FAM193A: variants seen among roughly 807,000 people sequenced by gnomAD.
FAM193A encodes protein FAM193A.
FAM193A carries 22 observed loss-of-function variants against 126.5 expected under a neutral mutation model. The ratio of observed to expected loss-of-function variants is 0.17; its 90% CI spans 0.12 to 0.25. The LOEUF is 0.25. Among genes scored for constraint, FAM193A ranks in the 10% least tolerant of loss-of-function variants. The pLI is 1.00. For missense variants in FAM193A, 1,675 were observed against 1,672.8 expected, an observed-to-expected ratio of 1.00 and a Z score of -0.02; for synonymous variants, 761 against 646.8, an observed-to-expected ratio of 1.18 and a Z score of -2.68.
At chr4:2,693,490 A>G (rs1716645397) in intron 15 of FAM193A, 96 bp from the exon 16 acceptor site, 1 of 1,166,968 alleles carries the variant, frequency 8.6e-7, no homozygotes, top group South Asian at 1.4e-5. Flanking sequence ...AAGGTGAAGG[A>G]TGAATGGGTA....
chr4:2,625,937 TG>T (rs1742921410), intron 3 of FAM193A, among the ~76,000 whole-genome samples: 2 of 152,112 alleles, frequency 1.3e-5, no homozygotes, highest in African/African-American at 4.8e-5. Context: ...TTGCCCAGGC[TG>T]GTCTCAAACT....
chr4:2,693,848 C>G lies in FAM193A; in HGVS notation c.3066C>G (p.Ser1022=), dbSNP rs565030304. 86 of 1,614,124 alleles carry G rather than the reference C, an allele frequency of 5.3e-5. No individual in the cohort carries two copies. In the South Asian group the frequency reaches 9.2e-4, roughly 17 times the overall value. Residue 1022 remains serine, a synonymous_variant, in exon 16 of 21, where the codon TCC becomes TCG. Transcript: ENST00000637812. ...CCCTACCCCCGGCCACAGATGGCTC[C>G]ATTAGCGCCCCTCCAAGTGTCTGCA... The part of the protein sequence containing the change: ...PAPLPPATDG[S]ISAPPSVCSD...
intron 2 of FAM193A, among the ~76,000 whole-genome samples, chr4:2,617,240 T>TTTTATATATA (rs377206444): frequency 0.017 from 600 of 34,588 alleles, 40 homozygotes; most frequent in East Asian, 0.033. Flanking sequence ...TATGTTTTTA[T>TTTTATATATA]TATATATATA....
chr4:2,686,052 A>C (rs1715705341), intron 13 of FAM193A, among the ~76,000 whole-genome samples: 1 of 152,230 alleles, frequency 6.6e-6, no homozygotes, highest in Non-Finnish European at 1.5e-5. Context: ...TGGTGGACTT[A>C]TAAAGTCATG....
chr4:2,643,864 C>G (rs1246754053), intron 6 of FAM193A, among the ~76,000 whole-genome samples: 2 of 152,192 alleles, frequency 1.3e-5, no homozygotes, highest in Non-Finnish European at 2.9e-5. Flanking sequence ...GGGTGCATCC[C>G]TCAGGCCTGC....
intron 18 of FAM193A, 112 bp from the exon 19 acceptor site, chr4:2,699,568 C>A: frequency 9.7e-7 from 1 of 1,030,330 alleles, no homozygotes; most frequent in Non-Finnish European, 1.4e-6. Flanking sequence ...ACAGCCTCTT[C>A]AGAGTTTATG....
chr4:2,710,400 C>T (rs1368674468), intron 19 of FAM193A, among the ~76,000 whole-genome samples: 2 of 151,996 alleles, frequency 1.3e-5, no homozygotes, highest in Admixed American at 6.6e-5. Flanking sequence ...GTCTCCATCT[C>T]CTGACCTCAT....
intron 1 of FAM193A, among the ~76,000 whole-genome samples, chr4:2,545,784 C>A (rs1737508215): frequency 1.3e-5 from 2 of 152,134 alleles, no homozygotes; most frequent in Non-Finnish European, 2.9e-5. Flanking sequence ...CCTGCTCAAG[C>A]AGTGCTCCCA....
At chr4:2,626,660 G>T in intron 4 of FAM193A, 83 bp downstream of exon 4, 2 of 643,154 alleles carry the variant, frequency 3.1e-6, no homozygotes, top group South Asian at 3.4e-5. Context: ...TTCAGGATGG[G>T]CTTTCCTTAC....
intron 1 of FAM193A, among the ~76,000 whole-genome samples, chr4:2,549,296 A>AT (rs1737758008): frequency 6.7e-6 from 1 of 149,388 alleles, no homozygotes; most frequent in African/African-American, 2.5e-5. Flanking sequence ...CAGTTTATCA[A>AT]TTTTTTTCTG....
At chr4:2,611,635 T>C (rs181034236) in intron 2 of FAM193A, among the ~76,000 whole-genome samples, 1 of 152,166 alleles carries the variant, frequency 6.6e-6, no homozygotes, top group Non-Finnish European at 1.5e-5. Context: ...TCCATTTGTA[T>C]CTCTTTGGAA....
At chr4:2,570,552 C>T (rs707341) in intron 1 of FAM193A, among the ~76,000 whole-genome samples, 4,639 of 152,194 alleles carry the variant, frequency 0.03, 115 homozygotes, top group Non-Finnish European at 0.043. Context: ...CCACATCTTT[C>T]GTTATAGGAC....
At chr4:2,570,468 A>G (rs185104590) in intron 1 of FAM193A, among the ~76,000 whole-genome samples, 6 of 152,252 alleles carry the variant, frequency 3.9e-5, no homozygotes, top group Non-Finnish European at 7.4e-5. Flanking sequence ...AAATCTCCTT[A>G]TGTTTTTTTC....
At chr4:2,646,855 G>T in intron 7 of FAM193A, 23 bp downstream of exon 7, 1 of 1,595,496 alleles carries the variant, frequency 6.3e-7, no homozygotes, top group Non-Finnish European at 8.5e-7. Context: ...CGGGACCACC[G>T]CACCCCGCGC....
intron 19 of FAM193A, among the ~76,000 whole-genome samples, chr4:2,703,893 G>A (rs550205347): frequency 6.5e-4 from 98 of 150,900 alleles, no homozygotes; most frequent in African/African-American, 2.2e-3. Flanking sequence ...AATCGCTGGA[G>A]CCCAGGAGTT....
chr4:2,623,049 C>G (rs1296004720), intron 2 of FAM193A, among the ~76,000 whole-genome samples: 1 of 152,088 alleles, frequency 6.6e-6, no homozygotes, highest in Non-Finnish European at 1.5e-5. Flanking sequence ...CACTCTGCCC[C>G]CCTTCCCTCA....
At chr4:2,727,941 T>A (rs974473661) in intron 20 of FAM193A, among the ~76,000 whole-genome samples, 8 of 151,458 alleles carry the variant, frequency 5.3e-5, no homozygotes, top group East Asian at 1.9e-4. Flanking sequence ...AAAAAAAAAA[T>A]TATTTTATTT....
chr4:2,554,537 A>G (rs1271846676), intron 1 of FAM193A, among the ~76,000 whole-genome samples: 1 of 152,136 alleles, frequency 6.6e-6, no homozygotes, highest in East Asian at 1.9e-4. Context: ...TGTATGTACT[A>G]CTATTATTGG....
In FAM193A at chr4:2,657,792, C is replaced by T. The variant is rs935719139; in HGVS notation, c.1312-11C>T. ...TTTCTTTTTTTTCTGTTTTTTACAT[C>T]CCCTTACTAGATGACAATGAAAACC... On this transcript the variant is annotated splice_polypyrimidine_tract_variant and intron_variant, in intron 7 of 20. Coordinates refer to ENST00000637812, the MANE Select transcript of FAM193A (RefSeq NM_001366318.2). 3 of 1,583,700 alleles carry T rather than the reference C, an allele frequency of 1.9e-6. No homozygotes were observed. The African/African-American group carries it at 4.1e-5, about 22-fold the overall frequency.
Sources: gnomAD v4.1 joint callset for allele counts (sites outside exome capture counted in the v4.1 genomes callset) on GRCh38, gnomAD v4.1.1 for gene constraint, MANE v1.5 for transcripts, NCBI Gene and HGNC (gene_info 2026-07-23, HGNC 2026-07-21) for gene names.